Variants in SOX6 observed in about 807,000 individuals in gnomAD.
SOX6 encodes transcription factor SOX-6.
Under a neutral mutation model 97.8 loss-of-function variants are expected in SOX6, and 11 were observed. The ratio of observed to expected loss-of-function variants is 0.11; its 90% CI spans 0.07 to 0.19. The LOEUF (loss-of-function observed/expected upper bound fraction) is 0.19, where lower values mean the gene tolerates loss of function less well. SOX6 is among the 10% of genes least tolerant of loss of function. The probability of loss-of-function intolerance (pLI) is 1.00; values close to 1 mark genes in which losing one functional copy is unlikely to be tolerated. For synonymous variants in SOX6, 360 were observed against 371.4 expected (o/e 0.97, Z 0.35); for missense variants, 810 against 1,039.5 (o/e 0.78, Z 3.04).
intron 4 of SOX6, among the ~76,000 whole-genome samples, chr11:16,493,954 A>T (rs181897013): frequency 6.6e-6 from 1 of 152,370 alleles, no homozygotes; most frequent in Non-Finnish European, 1.5e-5. Context: ...AAAGAAGGAT[A>T]TACAAGAATA....
chr11:16,131,697 A>G (rs2134020183), intron 6 of SOX6, among the ~76,000 whole-genome samples: 1 of 152,250 alleles, frequency 6.6e-6, no homozygotes, highest in Non-Finnish European at 1.5e-5. Context: ...AGGAAGGCTA[A>G]ACAAATTACA....
intron 6 of SOX6, among the ~76,000 whole-genome samples, chr11:16,136,963 A>AT (rs1261713275): frequency 6.6e-6 from 1 of 152,220 alleles, no homozygotes; most frequent in Non-Finnish European, 1.5e-5. Context: ...ATTCAGTATC[A>AT]TGTTACAAGT....
intron 1 of SOX6, among the ~76,000 whole-genome samples, chr11:16,463,881 C>T (rs1249230559): frequency 6.6e-6 from 1 of 152,052 alleles, no homozygotes; most frequent in African/African-American, 2.4e-5. Context: ...TAAACTTTAC[C>T]TTTTTGGTTC....
intron 3 of SOX6, among the ~76,000 whole-genome samples, chr11:16,678,002 T>C (rs1847897754): frequency 6.6e-6 from 1 of 152,218 alleles, no homozygotes; most frequent in African/African-American, 2.4e-5. Context: ...TCTATTATCC[T>C]TTTAGTATCT....
chr11:16,666,813 T>C (rs76704573), intron 3 of SOX6, among the ~76,000 whole-genome samples: 2,247 of 149,672 alleles, frequency 0.015, 54 homozygotes, highest in African/African-American at 0.052. Context: ...AAAGAAAATA[T>C]AGAGTCAAAG....
chr11:16,145,300 GC>G (rs1175105804), intron 6 of SOX6, among the ~76,000 whole-genome samples: 2 of 152,006 alleles, frequency 1.3e-5, no homozygotes, highest in African/African-American at 2.4e-5. Context: ...AAATTCAACA[GC>G]CCTTCATGCT....
chr11:16,111,362 A>G (rs1849224102), intron 7 of SOX6, among the ~76,000 whole-genome samples: 1 of 152,242 alleles, frequency 6.6e-6, no homozygotes, highest in East Asian at 1.9e-4. Context: ...ATTAGTGGTA[A>G]GCTAATTAAA....
intron 3 of SOX6, among the ~76,000 whole-genome samples, chr11:16,286,405 T>C (rs1854744038): frequency 6.6e-6 from 1 of 152,160 alleles, no homozygotes; most frequent in African/African-American, 2.4e-5. Context: ...GGACATTCTA[T>C]TTACTAAACT....
rs1048793288 is a variant in SOX6 at position 16,238,537 on chromosome 11, T to A, written c.446-3866A>T. On this transcript the variant is annotated intron_variant, in intron 3 of 15. Transcript: ENST00000683767. ...GATATTGATTTCCTAATCTGTGTGG[T>A]GATATTTTGGGAACAATTTTAAATT... Among the ~76,000 whole-genome samples the A allele has an allele frequency of 2.6e-5, 4 of 152,014 alleles. No homozygotes were observed. The East Asian group carries it at 5.8e-4, about 22-fold the overall frequency.
intron 6 of SOX6, among the ~76,000 whole-genome samples, chr11:16,153,803 A>C (rs1454913772): frequency 1.3e-5 from 2 of 152,194 alleles, no homozygotes; most frequent in African/African-American, 4.8e-5. Context: ...CACACTATTG[A>C]TAAAATACTG....
intron 1 of SOX6, among the ~76,000 whole-genome samples, chr11:16,426,815 G>C (rs1423679631): frequency 2.7e-5 from 4 of 148,360 alleles, no homozygotes; most frequent in African/African-American, 9.9e-5. Context: ...TTGGGAGGCT[G>C]AGGCAGGAGA....
chr11:16,069,884 C>T (rs939077880), intron 9 of SOX6, among the ~76,000 whole-genome samples: 18 of 152,264 alleles, frequency 1.2e-4, no homozygotes, highest in African/African-American at 4.3e-4. Context: ...AGGCTGGGCA[C>T]GGTGGCTCAC....
chr11:16,314,649 A>G (rs1855709401), intron 3 of SOX6: 1 of 152,168 alleles, frequency 6.6e-6, no homozygotes, highest in Non-Finnish European at 1.5e-5. Context: ...TTTTGTGGAA[A>G]AATTATTTTT....
At chr11:16,125,443 C>A (rs59275453) in intron 6 of SOX6, among the ~76,000 whole-genome samples, 27 of 151,874 alleles carry the variant, frequency 1.8e-4, no homozygotes, top group Admixed American at 1.6e-3. Context: ...GTACAAAGAT[C>A]GATATATACA....
intron 1 of SOX6, among the ~76,000 whole-genome samples, chr11:16,412,949 C>T (rs927564239): frequency 6.6e-6 from 1 of 152,022 alleles, no homozygotes; most frequent in Non-Finnish European, 1.5e-5. Context: ...CTCCCTATGA[C>T]GTGGGAGGAA....
chr11:16,436,462 T>C (rs1859378324), intron 1 of SOX6, among the ~76,000 whole-genome samples: 1 of 152,070 alleles, frequency 6.6e-6, no homozygotes, highest in Non-Finnish European at 1.5e-5. Context: ...ATCACTCCTT[T>C]GCAGGTAACT....
intron 1 of SOX6, among the ~76,000 whole-genome samples, chr11:16,395,312 A>C (rs1187319636): frequency 6.6e-6 from 1 of 151,884 alleles, no homozygotes; most frequent in Non-Finnish European, 1.5e-5. Context: ...ATAAAGGATG[A>C]GAAACAAGAT....
chr11:16,445,350 T>A (rs1185843926), intron 1 of SOX6, among the ~76,000 whole-genome samples: 1 of 152,186 alleles, frequency 6.6e-6, no homozygotes, highest in Non-Finnish European at 1.5e-5. Flanking sequence ...CTGAATATAC[T>A]AATGCTTTAA....
intron 4 of SOX6, among the ~76,000 whole-genome samples, chr11:16,597,813 C>G (rs911632980): frequency 1.1e-4 from 16 of 152,000 alleles, no homozygotes; most frequent in African/African-American, 3.9e-4. Flanking sequence ...CTTTCAAACT[C>G]TTTTCTAGGC....
Sources: gnomAD v4.1 joint callset for allele counts (sites outside exome capture counted in the v4.1 genomes callset) on GRCh38, gnomAD v4.1.1 for gene constraint, MANE v1.5 for transcripts, NCBI Gene and HGNC (gene_info 2026-07-23, HGNC 2026-07-21) for gene names.